Variants in ZFYVE28 observed in about 807,000 individuals in gnomAD.
ZFYVE28 encodes zinc finger FYVE-type containing 28, also known as lateral signaling target protein 2 homolog.
ZFYVE28 carries 40 observed loss-of-function variants against 82.1 expected under a neutral mutation model. That is an observed-to-expected ratio of 0.49 (90% CI 0.38 to 0.63). The LOEUF is 0.63. Ranked by LOEUF, ZFYVE28 falls within the 30% of genes least tolerant of loss-of-function variation. The pLI is 0.00. For synonymous variants in ZFYVE28, 612 were observed against 546.1 expected (o/e 1.12, Z -1.68); for missense variants, 1,321 against 1,242.1 (o/e 1.06, Z -0.96).
Position 2,269,632 on chromosome 4 carries a change from A to G in ZFYVE28, c.*1093T>C, listed in dbSNP as rs1394016364. 2 of 152,240 alleles carry G rather than the reference A, an allele frequency of 1.3e-5. No homozygotes were observed. The highest frequency in any genetic ancestry group is 4.8e-5 in the African/African-American group (2 of 41,462). 9.4% of individuals were successfully genotyped at this position (152,240 alleles called of 1,614,324 possible). A position where few individuals can be genotyped will look rare whatever the true frequency, so the allele number is the denominator to read the frequency against. ...AAATAGATTTATGGAAATGGCTTCA[A>G]ATTACAGCATTTAGAAAATAAATAT... On this transcript the variant is annotated 3_prime_UTR_variant, in exon 13 of 13. Coordinates refer to ENST00000290974, the MANE Select transcript of ZFYVE28 (RefSeq NM_020972.3).
rs961016682 is a variant in ZFYVE28, at chr4:2,326,299, T to G, written c.702-6028A>C. On this transcript the variant is annotated intron_variant, in intron 6 of 12. Transcript: ENST00000290974. ...GAAAATTCAGATTTCCCAACACCATTTATTGAAGAGGCTGTCCTTGTCTTC... is the reference window on the plus strand; with the variant it reads ...GAAAATTCAGATTTCCCAACACCATGTATTGAAGAGGCTGTCCTTGTCTTC... 9.2e-5 allele frequency among the ~76,000 whole-genome samples: 14 copies of G among 152,352 alleles called. No individual in the cohort carries two copies. In the East Asian group the frequency reaches 2.7e-3, roughly 29 times the overall value.
rs28678751 is a variant in ZFYVE28 at position 2,396,704 on chromosome 4, C to A, written c.39+21581G>T. Among the ~76,000 whole-genome samples, 5 of 7,064 alleles carry A rather than the reference C, an allele frequency of 7.1e-4. 1 individual carries two copies. The highest frequency in any genetic ancestry group is 1.1e-3 in the Non-Finnish European group (4 of 3,548). The allele number at this position is 7,064 out of a possible 152,430, so 4.6% of individuals were successfully genotyped here. On this transcript the variant is annotated intron_variant, in intron 1 of 12. Transcript: ENST00000290974. ...GGCGGGGTGTCTGAGCTGATGGGAC[C>A]AGCCATCCTGCAGAGGGGCCACAAG...
chr4:2,345,895 AG>A (rs1005325315), intron 2 of ZFYVE28, among the ~76,000 whole-genome samples: 2 of 152,156 alleles, frequency 1.3e-5, no homozygotes, highest in African/African-American at 4.8e-5. Context: ...ACATCTTTAA[AG>A]TATTAAGGGG....
At chr4:2,315,987 CCT>C (rs1033825549) in intron 7 of ZFYVE28, among the ~76,000 whole-genome samples, 18 of 151,984 alleles carry the variant, frequency 1.2e-4, no homozygotes, top group East Asian at 7.7e-4. Flanking sequence ...TTGTTTTTCC[CCT>C]CTTTTTTCCT....
intron 2 of ZFYVE28, among the ~76,000 whole-genome samples, chr4:2,347,305 C>T (rs991649441): frequency 6.6e-6 from 1 of 152,072 alleles, no homozygotes; most frequent in Non-Finnish European, 1.5e-5. Flanking sequence ...TAAACAAATC[C>T]ACAATTATGG....
intron 1 of ZFYVE28, among the ~76,000 whole-genome samples, chr4:2,406,062 A>AAAGAAAAG (rs1553867782): frequency 7.2e-5 from 9 of 125,070 alleles, no homozygotes; most frequent in African/African-American, 2.3e-4. Context: ...AAAAAAAAAA[A>AAAGAAAAG]AAAGAAAGAA....
rs551562508 is a variant in ZFYVE28 at position 2,298,741 on chromosome 4, C to T, written c.2051+5548G>A. ...CAGGCCTGGCCTTGCCCCCGTGGGA[C>T]GGACAGTGACAGGCTCTGAGACCTC... On this transcript the variant is annotated intron_variant, in intron 8 of 12. Transcript: ENST00000290974. Among the ~76,000 whole-genome samples the T allele has an allele frequency of 1.2e-4, 18 of 152,332 alleles. No individual in the cohort carries two copies. The South Asian group carries it at 1.2e-3, about 11-fold the overall frequency.
At chr4:2,280,272 C>T (rs995277184) in intron 8 of ZFYVE28, among the ~76,000 whole-genome samples, 5 of 152,134 alleles carry the variant, frequency 3.3e-5, no homozygotes, top group African/African-American at 9.7e-5. Flanking sequence ...TATTGGGAGG[C>T]TGAGGCGGGA....
chr4:2,360,470 T>C (rs934211143), intron 1 of ZFYVE28, among the ~76,000 whole-genome samples: 1 of 150,428 alleles, frequency 6.6e-6, no homozygotes, highest in Admixed American at 6.6e-5. Flanking sequence ...TTTGAAAAGC[T>C]GAGTTAGCCC....
chr4:2,411,054 A>G (rs1207025468), intron 1 of ZFYVE28, among the ~76,000 whole-genome samples: 1 of 152,240 alleles, frequency 6.6e-6, no homozygotes, highest in Non-Finnish European at 1.5e-5. Flanking sequence ...TAAGGACACT[A>G]TCCTAAATTG....
intron 2 of ZFYVE28, among the ~76,000 whole-genome samples, chr4:2,350,530 C>T (rs1446687934): frequency 6.6e-6 from 1 of 152,114 alleles, no homozygotes; most frequent in African/African-American, 2.4e-5. Context: ...CTTCCCATTT[C>T]CTGACATACA....
intron 1 of ZFYVE28, among the ~76,000 whole-genome samples, chr4:2,365,799 C>G (rs1446637384): frequency 6.6e-6 from 1 of 152,188 alleles, no homozygotes; most frequent in African/African-American, 2.4e-5. Context: ...CCAGAAGGCC[C>G]CAACTGGACC....
chr4:2,357,425 T>C (rs1011017699), intron 1 of ZFYVE28, among the ~76,000 whole-genome samples: 2 of 152,180 alleles, frequency 1.3e-5, no homozygotes, highest in Admixed American at 1.3e-4. Context: ...GCATGGCCCC[T>C]TTTCGGGGTG....
rs181760269 is a variant in ZFYVE28 at position 2,340,975 on chromosome 4, G to A, written c.318+503C>T. On this transcript the variant is annotated intron_variant, in intron 3 of 12. Coordinates refer to ENST00000290974, the MANE Select transcript of ZFYVE28 (RefSeq NM_020972.3). Reference sequence around the variant, plus strand: ...GAGGAGGCTGGGGAGTCCGCATGGTGGGGGCCTGGGGGAGACTGTTCCCGC... The same window carrying A: ...GAGGAGGCTGGGGAGTCCGCATGGTAGGGGCCTGGGGGAGACTGTTCCCGC... Among the ~76,000 whole-genome samples the A allele has an allele frequency of 5.0e-3, 761 of 152,162 alleles. 11 individuals carry two copies. The highest frequency in any genetic ancestry group is 0.014 in the African/African-American group (574 of 41,522).
At position 2,410,282 on chromosome 4, in the gene ZFYVE28, T is replaced by A. The variant is rs1461288706; in HGVS notation, c.39+8003A>T. 3.9e-5 allele frequency among the ~76,000 whole-genome samples: 6 copies of A among 152,064 alleles called. No homozygotes were observed. In the East Asian group the frequency reaches 1.2e-3, roughly 29 times the overall value. ...TCACTCCCCATTTCCACTTCCACTC[T>A]CCAACCCCTGGCAACCGCCGATCTG... On this transcript the variant is annotated intron_variant, in intron 1 of 12. Coordinates refer to ENST00000290974, the MANE Select transcript of ZFYVE28 (RefSeq NM_020972.3).
Position 2,341,185 on chromosome 4 carries a change from A to G in ZFYVE28, c.318+293T>C, listed in dbSNP as rs1722740143. The G allele has an allele frequency of 4.3e-6, 2 of 469,898 alleles. No individual in the cohort carries two copies. The highest frequency in any genetic ancestry group is 3.6e-5 in the Admixed American group (1 of 28,012). The allele number at this position is 469,898 out of a possible 1,614,324, so 29.1% of individuals were successfully genotyped here. A position where few individuals can be genotyped will look rare whatever the true frequency, so the allele number is the denominator to read the frequency against. On this transcript the variant is annotated intron_variant, in intron 3 of 12. Transcript: ENST00000290974. The surrounding 1 kb of genome is among the most constrained non-coding windows in gnomAD (Gnocchi z 4.5). ...TCCTGATGTGGGCATTACTGCCATT[A>G]AAAACCACTTTTAGGTCCTGGCTGT...
chr4:2,356,299 C>T (rs1415539401), intron 1 of ZFYVE28, among the ~76,000 whole-genome samples: 1 of 152,206 alleles, frequency 6.6e-6, no homozygotes, highest in African/African-American at 2.4e-5. Context: ...CTGACGGAGC[C>T]TCTGCACCCA....
chr4:2,357,298 G>A (rs940633121), intron 1 of ZFYVE28, among the ~76,000 whole-genome samples: 5 of 152,094 alleles, frequency 3.3e-5, no homozygotes, highest in African/African-American at 1.2e-4. Flanking sequence ...TGCTCACCTG[G>A]GCCCGGGACC....
At chr4:2,415,796 G>A (rs1465945842) in intron 1 of ZFYVE28, among the ~76,000 whole-genome samples, 1 of 152,178 alleles carries the variant, frequency 6.6e-6, no homozygotes, top group Non-Finnish European at 1.5e-5. Context: ...AAAATGAAAA[G>A]CTATGGAGTG....
Sources: gnomAD v4.1 joint callset for allele counts (sites outside exome capture counted in the v4.1 genomes callset) on GRCh38, gnomAD v4.1.1 for gene constraint, Gnocchi (gnomAD v3.1) non-coding constraint, MANE v1.5 for transcripts, NCBI Gene and HGNC (gene_info 2026-07-23, HGNC 2026-07-21) for gene names.